The following AKR1C4 variants were observed in gnomAD, a reference collection of about 807,000 sequenced individuals.
AKR1C4 encodes aldo-keto reductase family 1 member C4, also known as 3-alpha-HSD1.
Under a neutral mutation model 41.0 loss-of-function variants are expected in AKR1C4, and 44 were observed. The observed-to-expected ratio is 1.07, with a 90% CI of 0.84 to 1.38. AKR1C4 has a LOEUF of 1.38. Among genes scored for constraint, AKR1C4 ranks in the 40% most tolerant of loss-of-function variants. The probability of loss-of-function intolerance (pLI) is 0.00; values close to 1 mark genes in which losing one functional copy is unlikely to be tolerated. For missense variants in AKR1C4, 438 were observed against 387.9 expected (o/e 1.13, Z -1.09); for synonymous variants, 165 against 137.7 (o/e 1.20, Z -1.39).
chr10:5,202,977 GTGTGT>G (rs1261994461), intron 2 of AKR1C4, among the ~76,000 whole-genome samples: 25 of 119,422 alleles, frequency 2.1e-4, no homozygotes, highest in Non-Finnish European at 3.2e-4. Flanking sequence ...GTGTGTGTGT[GTGTGT>G]TATGTCCTTT....
intron 7 of AKR1C4, among the ~76,000 whole-genome samples, chr10:5,215,618 T>TTA (rs748896530): frequency 1.3e-4 from 20 of 152,318 alleles, no homozygotes; most frequent in Admixed American, 2.6e-4. Flanking sequence ...CCAGATACCC[T>TTA]TAGTCATCAC....
intron 8 of AKR1C4, among the ~76,000 whole-genome samples, chr10:5,218,083 T>G (rs1832680117): frequency 6.6e-6 from 1 of 152,204 alleles, no homozygotes; most frequent in South Asian, 2.1e-4. Context: ...CAAACATCAG[T>G]AATTCTCACC....
intron 1 of AKR1C4, among the ~76,000 whole-genome samples, chr10:5,197,919 T>A (rs1406872415): frequency 6.6e-6 from 1 of 152,204 alleles, no homozygotes; most frequent in African/African-American, 2.4e-5. Context: ...AAACAGAGGA[T>A]CAGGGTTGGC....
intron 5 of AKR1C4, among the ~76,000 whole-genome samples, chr10:5,209,947 C>T (rs1554797777): frequency 6.6e-6 from 1 of 152,182 alleles, no homozygotes; most frequent in Non-Finnish European, 1.5e-5. Flanking sequence ...AAAGTCTTAA[C>T]TCATTTCAGC....
At chr10:5,200,058 C>T (rs1397995038) in intron 1 of AKR1C4, 123 bp from the exon 2 acceptor site, 15 of 1,246,140 alleles carry the variant, frequency 1.2e-5, no homozygotes, top group African/African-American at 1.5e-5. Flanking sequence ...GTCTGAGCAG[C>T]GGGGGCCTGA....
chr10:5,197,770 G>T (rs1832333643), intron 1 of AKR1C4, among the ~76,000 whole-genome samples: 1 of 152,218 alleles, frequency 6.6e-6, no homozygotes, highest in African/African-American at 2.4e-5. Flanking sequence ...ACTATACGTT[G>T]TAAGAATTTA....
chr10:5,200,604 T>C (rs1832386262), intron 2 of AKR1C4, among the ~76,000 whole-genome samples: 1 of 152,246 alleles, frequency 6.6e-6, no homozygotes, highest in Non-Finnish European at 1.5e-5. Flanking sequence ...AATTATTTTA[T>C]GAATTCATAT....
chr10:5,218,904 T>TCC lies in AKR1C4; in HGVS notation c.*145_*146dup, dbSNP rs1296393980. The TCC allele has an allele frequency of 1.0e-5, 6 of 601,432 alleles. No individual in the cohort carries two copies. In the East Asian group the frequency reaches 1.7e-4, roughly 18 times the overall value. 37.3% of individuals were successfully genotyped at this position (601,432 alleles called of 1,614,324 possible). ...TGGCAACTTCAGCTAGCTAGATATATCCATGGTCCAGAAAGCAAACATAAT... is the reference window on the plus strand; with the variant it reads ...TGGCAACTTCAGCTAGCTAGATATATCCCCATGGTCCAGAAAGCAAACATAAT... On this transcript the variant is annotated 3_prime_UTR_variant, in exon 9 of 9. Transcript: ENST00000263126.
At position 5,200,264 on chromosome 10, in the gene AKR1C4, T is replaced by G. The variant is rs782789967; in HGVS notation, c.168T>G (p.Asn56Lys). The stretch of plus-strand genomic sequence containing the variant: ...ATATTGATTCTGCTTATTTATACAA[T>G]AATGAGGAGCAGGTTGGACTGGCCA... ...FRHIDSAYLY[N>K]NEEQVGLAIR... The change falls in exon 2 of 9, where the codon AAT (asparagine) becomes AAG (lysine). Residue 56 changes from asparagine (N) to lysine (K), a missense_variant. Asn to Lys is a moderately conservative substitution (Grantham distance 94, BLOSUM62 0). Transcript: ENST00000263126. The G allele has an allele frequency of 1.2e-6, 2 of 1,613,450 alleles. No individual in the cohort carries two copies. The highest frequency in any genetic ancestry group is 3.3e-5 in the Admixed American group (2 of 59,982).
chr10:5,215,327 T>G (rs1338945002), intron 7 of AKR1C4, among the ~76,000 whole-genome samples: 1 of 152,150 alleles, frequency 6.6e-6, no homozygotes, highest in Non-Finnish European at 1.5e-5. Context: ...GGGGCAAATA[T>G]AGAAATATAG....
rs138788431 is a variant in AKR1C4 at position 5,205,615 on chromosome 10, C to T, written c.370-142C>T. ...TAAAGACATTCCTTAAAACTCTGTACGTGAAACACTTGGCCCACATCACTT... is the reference window on the plus strand; with the variant it reads ...TAAAGACATTCCTTAAAACTCTGTATGTGAAACACTTGGCCCACATCACTT... On this transcript the variant is annotated intron_variant, in intron 3 of 8. Coordinates refer to ENST00000263126, the MANE Select transcript of AKR1C4 (RefSeq NM_001818.5). 5.2e-4 allele frequency: 281 copies of T among 542,322 alleles called. 2 individuals are homozygous for T. In the South Asian group the frequency reaches 5.5e-3, roughly 11 times the overall value. 33.6% of individuals were successfully genotyped at this position (542,322 alleles called of 1,614,324 possible). A position where few individuals can be genotyped will look rare whatever the true frequency, so the allele number is the denominator to read the frequency against.
chr10:5,203,850 A>G (rs1832441595), intron 2 of AKR1C4, among the ~76,000 whole-genome samples: 1 of 152,184 alleles, frequency 6.6e-6, no homozygotes, highest in South Asian at 2.1e-4. Flanking sequence ...AGTTTTTCTT[A>G]TGTCTGGGAT....
At chr10:5,204,636 T>G (rs782315928) in intron 3 of AKR1C4, 143 bp downstream of exon 3, 1 of 779,262 alleles carries the variant, frequency 1.3e-6, no homozygotes, top group South Asian at 1.4e-5. Flanking sequence ...GCCATTTTCT[T>G]GAAGAGTACA....
intron 3 of AKR1C4, among the ~76,000 whole-genome samples, chr10:5,205,523 A>C (rs1832470389): frequency 1.3e-5 from 2 of 152,186 alleles, no homozygotes; most frequent in South Asian, 4.1e-4. Context: ...GTGAACCCCC[A>C]TTAAAACCTG....
chr10:5,212,567 C>T (rs375879950), intron 5 of AKR1C4, 49 bp from the exon 6 acceptor site: 118 of 1,469,010 alleles, frequency 8.0e-5, no homozygotes, highest in Non-Finnish European at 8.5e-5. Context: ...TTTATATTAA[C>T]ATATCTGTTT....
intron 5 of AKR1C4, 102 bp downstream of exon 5, chr10:5,206,499 G>A: frequency 6.4e-7 from 1 of 1,561,544 alleles, no homozygotes; most frequent in East Asian, 2.3e-5. Context: ...TTGTGAAACA[G>A]AAGATTCTAG....
chr10:5,200,259 T>C lies in AKR1C4; in HGVS notation c.163T>C (p.Tyr55His), dbSNP rs782791538. The change falls in exon 2 of 9, where the codon TAC becomes CAC. Residue 55 changes from tyrosine to histidine, a missense_variant. By Grantham distance (83) the Tyr-to-His change is moderately conservative (BLOSUM62 2). Transcript: ENST00000263126. ...CCGCCATATTGATTCTGCTTATTTA[T>C]ACAATAATGAGGAGCAGGTTGGACT... The part of the protein sequence containing the change: ...GFRHIDSAYL[Y>H]NNEEQVGLAI... 6.2e-7 allele frequency: 1 copy of C among 1,614,082 alleles called. No individual in the cohort carries two copies. Among genetic ancestry groups the C allele is most frequent in the African/African-American group, 1.3e-5 (1 of 74,948 alleles).
chr10:5,208,707 T>A (rs749269678), intron 5 of AKR1C4, among the ~76,000 whole-genome samples: 1 of 151,450 alleles, frequency 6.6e-6, no homozygotes, highest in Non-Finnish European at 1.5e-5. Context: ...GATTATCCAG[T>A]CAGTATTCAT....
intron 3 of AKR1C4, among the ~76,000 whole-genome samples, chr10:5,205,338 G>A (rs2132129447): frequency 6.6e-6 from 1 of 152,264 alleles, no homozygotes; most frequent in Middle Eastern, 3.4e-3. Context: ...AACATGTTTA[G>A]TTTATGATCC....
Sources: gnomAD v4.1 joint callset for allele counts (sites outside exome capture counted in the v4.1 genomes callset) on GRCh38, gnomAD v4.1.1 for gene constraint, MANE v1.5 for transcripts, NCBI Gene and HGNC (gene_info 2026-07-23, HGNC 2026-07-21) for gene names.